HDAC9: variants seen among roughly 807,000 people sequenced by gnomAD.
HDAC9 encodes histone deacetylase 9.
Under a neutral mutation model 139.4 loss-of-function variants are expected in HDAC9, and 41 were observed. The ratio of observed to expected loss-of-function variants is 0.29; its 90% CI spans 0.23 to 0.38. The LOEUF is 0.38. Among genes scored for constraint, HDAC9 ranks in the 10% least tolerant of loss-of-function variants. The probability of loss-of-function intolerance (pLI) is 1.00; values close to 1 mark genes in which losing one functional copy is unlikely to be tolerated. For synonymous variants in HDAC9, 517 were observed against 476.2 expected (o/e 1.09, Z -1.12); for missense variants, 1,147 against 1,297.0 (o/e 0.88, Z 1.78).
At chr7:18,557,874 T>G (rs1469088306) in intron 2 of HDAC9, among the ~76,000 whole-genome samples, 1 of 151,816 alleles carries the variant, frequency 6.6e-6, no homozygotes, top group African/African-American at 2.4e-5. Flanking sequence ...TAACATATAT[T>G]TTTCTTTTTA....
intron 24 of HDAC9, among the ~76,000 whole-genome samples, chr7:18,962,316 C>A (rs1783578510): frequency 6.6e-6 from 1 of 152,132 alleles, no homozygotes; most frequent in African/African-American, 2.4e-5. Flanking sequence ...ACTATTAACC[C>A]TGCCAACCCT....
At chr7:18,541,497 C>T (rs1812947168) in intron 2 of HDAC9, among the ~76,000 whole-genome samples, 1 of 151,920 alleles carries the variant, frequency 6.6e-6, no homozygotes. Flanking sequence ...TACATTCTTT[C>T]CTTAATTTTA....
At chr7:18,266,721 G>C (rs944113842) in intron 2 of HDAC9, among the ~76,000 whole-genome samples, 1 of 152,100 alleles carries the variant, frequency 6.6e-6, no homozygotes, top group African/African-American at 2.4e-5. Context: ...CCACTGCCTT[G>C]ATTGTTGATA....
At position 18,999,225 on chromosome 7, in the gene HDAC9, C is replaced by G. The variant is rs1786631119; in HGVS notation, c.*3163C>G. 1 of 152,220 alleles carries G rather than the reference C, an allele frequency of 6.6e-6. No individual in the cohort carries two copies. The highest frequency in any genetic ancestry group is 1.5e-5 in the Non-Finnish European group (1 of 68,058). The allele number at this position is 152,220 out of a possible 1,614,324, so 9.4% of individuals were successfully genotyped here. ...ACTCCAGCCCTATACGACACTCTCA[C>G]TAACCTTTCACTGACAACATCATGG... On this transcript the variant is annotated 3_prime_UTR_variant, in exon 26 of 26. Transcript: ENST00000686413.
chr7:18,368,044 T>C (rs1038271753), intron 1 of HDAC9, among the ~76,000 whole-genome samples: 1 of 152,144 alleles, frequency 6.6e-6, no homozygotes, highest in African/African-American at 2.4e-5. Context: ...CTTATGGAAG[T>C]CATTGTAATA....
At chr7:18,297,996 C>T (rs1798262398) in intron 1 of HDAC9, among the ~76,000 whole-genome samples, 2 of 152,158 alleles carry the variant, frequency 1.3e-5, no homozygotes, top group African/African-American at 2.4e-5. Flanking sequence ...GCTCTAAATT[C>T]GTTTTTCTCA....
At chr7:18,209,837 A>G (rs969775758) in intron 2 of HDAC9, among the ~76,000 whole-genome samples, 1 of 151,870 alleles carries the variant, frequency 6.6e-6, no homozygotes, top group Non-Finnish European at 1.5e-5. Flanking sequence ...AGTAGCTGGG[A>G]CTACGGGCGC....
chr7:18,529,089 G>C (rs1340819997), intron 2 of HDAC9, among the ~76,000 whole-genome samples: 1 of 151,938 alleles, frequency 6.6e-6, no homozygotes, highest in Non-Finnish European at 1.5e-5. Context: ...TCAATGTTAA[G>C]AGAGCCTCAA....
intron 1 of HDAC9, among the ~76,000 whole-genome samples, chr7:18,410,448 G>T (rs1788437973): frequency 6.6e-6 from 1 of 152,124 alleles, no homozygotes; most frequent in Non-Finnish European, 1.5e-5. Context: ...AGAACCTATA[G>T]TTCTTTGTTT....
chr7:18,619,010 C>T (rs903787783), intron 6 of HDAC9, among the ~76,000 whole-genome samples: 2 of 151,460 alleles, frequency 1.3e-5, no homozygotes, highest in African/African-American at 4.8e-5. Context: ...TAATCTAGTT[C>T]GATTTATTGA....
In HDAC9 at chr7:18,584,140, C is replaced by CTT. The variant is rs3084518; in HGVS notation, c.23-1122_23-1121dup. Among the ~76,000 whole-genome samples, 63 of 107,710 alleles carry CTT rather than the reference C, an allele frequency of 5.8e-4. 2 individuals are homozygous for CTT. Among genetic ancestry groups the CTT allele is most frequent in the South Asian group, 2.6e-3 (8 of 3,062 alleles). The allele number at this position is 107,710 out of a possible 152,430, so 70.7% of individuals were successfully genotyped here. ...AACTATTCCTTTAGAAAGCAGCATT[C>CTT]TTTTTTTTTTTTTTTTTTTTGAGAC... On this transcript the variant is annotated intron_variant, in intron 2 of 25. Coordinates refer to ENST00000686413, the MANE Select transcript of HDAC9 (RefSeq NM_178425.4).
intron 2 of HDAC9, among the ~76,000 whole-genome samples, chr7:18,179,306 A>G (rs1197609108): frequency 6.6e-6 from 1 of 152,198 alleles, no homozygotes; most frequent in Non-Finnish European, 1.5e-5. Flanking sequence ...CCATTAGTTG[A>G]TTGCAAACTC....
At chr7:18,681,902 T>G (rs996618170) in intron 12 of HDAC9, among the ~76,000 whole-genome samples, 2 of 152,044 alleles carry the variant, frequency 1.3e-5, no homozygotes, top group African/African-American at 4.8e-5. Context: ...AAATATCCTT[T>G]GTCTAACGCT....
At chr7:18,865,385 G>T (rs1375794471) in intron 21 of HDAC9, among the ~76,000 whole-genome samples, 1 of 152,170 alleles carries the variant, frequency 6.6e-6, no homozygotes, top group African/African-American at 2.4e-5. Flanking sequence ...AAAAAAGGGA[G>T]TGGTAAAAGA....
chr7:18,401,373 A>G (rs941909621), intron 1 of HDAC9, among the ~76,000 whole-genome samples: 1 of 152,158 alleles, frequency 6.6e-6, no homozygotes, highest in Non-Finnish European at 1.5e-5. Flanking sequence ...TTGAAGATGC[A>G]GTTGGGAAGA....
At chr7:18,838,909 A>G (rs1363454105) in intron 21 of HDAC9, among the ~76,000 whole-genome samples, 3 of 152,046 alleles carry the variant, frequency 2.0e-5, no homozygotes, top group Admixed American at 6.6e-5. Context: ...TATTGCCTTC[A>G]TGGTTTCTAT....
intron 1 of HDAC9, among the ~76,000 whole-genome samples, chr7:18,393,350 A>C (rs1786721194): frequency 6.6e-6 from 1 of 152,130 alleles, no homozygotes; most frequent in Admixed American, 6.5e-5. Context: ...AGGATCAGGG[A>C]GGTTCTTTTC....
intron 16 of HDAC9, among the ~76,000 whole-genome samples, chr7:18,773,166 A>T (rs116687433): frequency 0.018 from 2,787 of 152,146 alleles, 98 homozygotes; most frequent in African/African-American, 0.064. Flanking sequence ...TTGCTTTGAC[A>T]TTATGGCTAA....
intron 1 of HDAC9, among the ~76,000 whole-genome samples, chr7:18,366,930 A>G (rs1000072346): frequency 2.6e-5 from 4 of 152,070 alleles, no homozygotes; most frequent in Non-Finnish European, 4.4e-5. Flanking sequence ...TGGATGAAGT[A>G]TGCCTATTAA....
Sources: allele counts gnomAD v4.1 joint callset (sites outside exome capture counted in the v4.1 genomes callset), GRCh38; gene constraint gnomAD v4.1.1; transcripts MANE v1.5; gene names NCBI Gene and HGNC (gene_info 2026-07-23, HGNC 2026-07-21).